Variants in KIAA1217 observed in about 807,000 individuals in gnomAD.
KIAA1217 encodes KIAA1217.
In KIAA1217, 88 loss-of-function variants were observed where a neutral mutation model predicts 163.9. That is an observed-to-expected ratio of 0.54 (90% CI 0.45 to 0.64). The LOEUF is 0.64. KIAA1217 is among the 30% of genes least tolerant of loss of function. KIAA1217 has a pLI of 0.00. For synonymous variants in KIAA1217, 903 were observed against 923.1 expected (o/e 0.98, Z 0.39); for missense variants, 2,372 against 2,475.0 (o/e 0.96, Z 0.88).
At chr10:23,868,126 C>T (rs1414129588) in intron 1 of KIAA1217, among the ~76,000 whole-genome samples, 1 of 152,132 alleles carries the variant, frequency 6.6e-6, no homozygotes, top group African/African-American at 2.4e-5. Context: ...CGCCCGATCT[C>T]GTCTGATCTC....
intron 1 of KIAA1217, among the ~76,000 whole-genome samples, chr10:23,934,889 T>A (rs1843458484): frequency 6.6e-6 from 1 of 151,760 alleles, no homozygotes; most frequent in Non-Finnish European, 1.5e-5. Context: ...AGTGCTGGGA[T>A]TACAGGCATG....
intron 1 of KIAA1217, among the ~76,000 whole-genome samples, chr10:23,977,060 A>G (rs1433018063): frequency 2.0e-5 from 3 of 152,064 alleles, no homozygotes; most frequent in African/African-American, 7.2e-5. Context: ...GATCTTTTTT[A>G]TGTATGTTTT....
At chr10:23,843,677 G>C (rs1330095728) in intron 1 of KIAA1217, among the ~76,000 whole-genome samples, 1 of 152,118 alleles carries the variant, frequency 6.6e-6, no homozygotes, top group Non-Finnish European at 1.5e-5. Context: ...GGAGGATACT[G>C]GGATAAGATC....
At chr10:24,437,466 T>C (rs535064490) in intron 4 of KIAA1217, among the ~76,000 whole-genome samples, 9 of 152,362 alleles carry the variant, frequency 5.9e-5, no homozygotes, top group African/African-American at 2.2e-4. Flanking sequence ...TAAATGAGGC[T>C]GCACCTGGAA....
intron 1 of KIAA1217, among the ~76,000 whole-genome samples, chr10:23,733,164 C>T (rs1332336296): frequency 6.6e-6 from 1 of 152,002 alleles, no homozygotes; most frequent in Non-Finnish European, 1.5e-5. Flanking sequence ...CAGATGCCCG[C>T]CACCACACCC....
rs1180948865 is a variant in KIAA1217 at position 23,695,389 on chromosome 10, C to A, written c.-321+155C>A. Among the ~76,000 whole-genome samples, 1 of 152,080 alleles carries A rather than the reference C, an allele frequency of 6.6e-6. No individual in the cohort carries two copies. Among genetic ancestry groups the A allele is most frequent in the Non-Finnish European group, 1.5e-5 (1 of 68,002 alleles). On this transcript the variant is annotated intron_variant, in intron 1 of 18. Coordinates refer to the KIAA1217 transcript ENST00000376462. The surrounding 1 kb of genome is among the most constrained non-coding windows in gnomAD (Gnocchi z 4.9). ...GAGCGTTTCGAGAGAGGGCAAGGAC[C>A]CCCCCAGGAGGGCCAGGCCGGGAGG... is the stretch of plus-strand genomic sequence containing the variant.
chr10:23,753,036 T>A (rs979386334), intron 1 of KIAA1217, among the ~76,000 whole-genome samples: 1 of 152,202 alleles, frequency 6.6e-6, no homozygotes, highest in Non-Finnish European at 1.5e-5. Flanking sequence ...TTTTTTGAAA[T>A]CAGTGATAGA....
intron 1 of KIAA1217, among the ~76,000 whole-genome samples, chr10:23,840,623 A>G (rs564037446): frequency 6.6e-6 from 1 of 152,330 alleles, no homozygotes; most frequent in East Asian, 1.9e-4. Flanking sequence ...ATGAGCTTCA[A>G]ATATGTAAGA....
chr10:24,240,673 T>C (rs947010576), intron 2 of KIAA1217, among the ~76,000 whole-genome samples: 1 of 152,308 alleles, frequency 6.6e-6, no homozygotes, highest in African/African-American at 2.4e-5. Flanking sequence ...AGTAGCTAGC[T>C]GTGTTGTGAG....
intron 2 of KIAA1217, chr10:24,158,137 T>C: frequency 1.3e-6 from 1 of 753,590 alleles, no homozygotes; most frequent in Non-Finnish European, 2.5e-6. Flanking sequence ...GCCTGGGATT[T>C]GGATCAACAC....
intron 2 of KIAA1217, among the ~76,000 whole-genome samples, chr10:24,245,519 C>T (rs2073686686): frequency 6.6e-6 from 1 of 152,142 alleles, no homozygotes; most frequent in African/African-American, 2.4e-5. Flanking sequence ...AATAAGAGAA[C>T]TAAGATTCTG....
At chr10:23,817,956 G>A (rs545032557) in intron 1 of KIAA1217, among the ~76,000 whole-genome samples, 1 of 94,438 alleles carries the variant, frequency 1.1e-5, no homozygotes, top group East Asian at 3.1e-4. Context: ...GCTTGGTGTG[G>A]TGGCACATAT....
At chr10:23,871,999 T>C (rs564158623) in intron 1 of KIAA1217, among the ~76,000 whole-genome samples, 15 of 152,214 alleles carry the variant, frequency 9.9e-5, no homozygotes, top group Non-Finnish European at 1.8e-4. Flanking sequence ...TTCTTCTCCA[T>C]TTTTATTCAG....
At chr10:24,273,767 C>T (rs546138562) in intron 2 of KIAA1217, among the ~76,000 whole-genome samples, 2 of 150,820 alleles carry the variant, frequency 1.3e-5, no homozygotes, top group Non-Finnish European at 1.5e-5. Context: ...GCTGGAGAAT[C>T]GCCTGAGCAC....
chr10:24,532,008 G>T lies in KIAA1217; in HGVS notation c.3246+15G>T, dbSNP rs776267923. The T allele has an allele frequency of 2.1e-4, 313 of 1,487,836 alleles. 1 individual carries two copies. The highest frequency in any genetic ancestry group is 2.5e-4 in the Non-Finnish European group (281 of 1,108,304). 92.2% of individuals were successfully genotyped at this position (1,487,836 alleles called of 1,614,324 possible). ...TCACCGCTAAGGTCTGATAGGCTAA[G>T]CCCTGGTAAACTGGCCTCTGGGTTC... On this transcript the variant is annotated intron_variant, in intron 15 of 20. Transcript: ENST00000376454.
chr10:23,887,568 T>C (rs1203371370), intron 1 of KIAA1217, among the ~76,000 whole-genome samples: 1 of 151,866 alleles, frequency 6.6e-6, no homozygotes, highest in Non-Finnish European at 1.5e-5. Context: ...GAGATTTTTT[T>C]ATATTGTCTA....
At chr10:24,367,289 C>T (rs2050917848) in intron 2 of KIAA1217, 5 of 332,486 alleles carry the variant, frequency 1.5e-5, no homozygotes, top group Non-Finnish European at 2.1e-5. Flanking sequence ...TAATCAGTGT[C>T]AGCCACTAAC....
At chr10:24,063,376 A>G (rs553552634) in intron 2 of KIAA1217, among the ~76,000 whole-genome samples, 129 of 152,082 alleles carry the variant, frequency 8.5e-4, no homozygotes, top group African/African-American at 2.3e-3. Flanking sequence ...AGTTTTCCCA[A>G]CACCATTTAT....
At chr10:24,198,428 G>A (rs2067090166) in intron 2 of KIAA1217, among the ~76,000 whole-genome samples, 1 of 152,078 alleles carries the variant, frequency 6.6e-6, no homozygotes, top group Non-Finnish European at 1.5e-5. Context: ...GGCCAACACG[G>A]CAAAACTCCA....
Sources: gnomAD v4.1 joint callset for allele counts (sites outside exome capture counted in the v4.1 genomes callset) on GRCh38, gnomAD v4.1.1 for gene constraint, Gnocchi (gnomAD v3.1) non-coding constraint, MANE v1.5 for transcripts, NCBI Gene and HGNC (gene_info 2026-07-23, HGNC 2026-07-21) for gene names.